BFSP2: variants seen among roughly 807,000 people sequenced by gnomAD.
BFSP2 encodes the protein phakinin.
In BFSP2, 38 loss-of-function variants were observed where a neutral mutation model predicts 44.9. That is an observed-to-expected ratio of 0.85 (90% CI 0.65 to 1.11). The LOEUF is 1.11. BFSP2 is among the 50% of genes least tolerant of loss of function. The pLI is 0.00. For synonymous variants in BFSP2, 197 were observed against 209.9 expected, an observed-to-expected ratio of 0.94 and a Z score of 0.53; for missense variants, 525 against 533.0, an observed-to-expected ratio of 0.99 and a Z score of 0.15.
At chr3:133,469,084 T>C (rs563234501) in intron 5 of BFSP2, among the ~76,000 whole-genome samples, 6 of 152,220 alleles carry the variant, frequency 3.9e-5, no homozygotes, top group South Asian at 2.1e-4. Flanking sequence ...GTCCTAACCA[T>C]TGGGGAAAAA....
chr3:133,474,740 A>C (rs766213041), intron 6 of BFSP2, among the ~76,000 whole-genome samples: 3 of 152,224 alleles, frequency 2.0e-5, no homozygotes, highest in Admixed American at 1.3e-4. Flanking sequence ...CTGCCAAGAC[A>C]ACCTCATGAT....
chr3:133,469,525 C>T (rs2074143069), intron 5 of BFSP2, among the ~76,000 whole-genome samples: 1 of 152,242 alleles, frequency 6.6e-6, no homozygotes, highest in Non-Finnish European at 1.5e-5. Context: ...CCAGAAGTCA[C>T]AGAAGGTCAC....
chr3:133,441,824 G>C (rs2073847925), intron 1 of BFSP2, among the ~76,000 whole-genome samples: 1 of 152,180 alleles, frequency 6.6e-6, no homozygotes, highest in Admixed American at 6.5e-5. Context: ...TTTGGTAAGT[G>C]TTTTAAAGAA....
chr3:133,421,242 T>C (rs2073589570), intron 1 of BFSP2, among the ~76,000 whole-genome samples: 2 of 152,212 alleles, frequency 1.3e-5, no homozygotes, highest in Non-Finnish European at 2.9e-5. Context: ...TATGTTGGTT[T>C]CCCAGGGCTA....
intron 4 of BFSP2, among the ~76,000 whole-genome samples, chr3:133,458,817 T>C (rs996016339): frequency 1.3e-5 from 2 of 152,166 alleles, no homozygotes; most frequent in East Asian, 1.9e-4. Context: ...GGTAACTACA[T>C]AGGGGATCAC....
intron 1 of BFSP2, among the ~76,000 whole-genome samples, chr3:133,436,374 AT>A (rs1371483789): frequency 1.3e-5 from 2 of 150,816 alleles, no homozygotes; most frequent in East Asian, 1.9e-4. Flanking sequence ...CATAATACAC[AT>A]TTTTTTCCAT....
intron 4 of BFSP2, among the ~76,000 whole-genome samples, chr3:133,456,385 T>C (rs2107931950): frequency 6.6e-6 from 1 of 152,302 alleles, no homozygotes; most frequent in Admixed American, 6.5e-5. Flanking sequence ...CCGGGCCATC[T>C]AACTGAAATA....
intron 4 of BFSP2, among the ~76,000 whole-genome samples, chr3:133,464,471 T>A (rs2074091329): frequency 1.3e-5 from 2 of 152,250 alleles, no homozygotes; most frequent in African/African-American, 4.8e-5. Flanking sequence ...CTGTTAACAA[T>A]GTGCTTGGCA....
chr3:133,417,820 C>T (rs1268801657), intron 1 of BFSP2, among the ~76,000 whole-genome samples: 1 of 143,688 alleles, frequency 7.0e-6, no homozygotes, highest in Non-Finnish European at 1.5e-5. Context: ...TTACTCACCC[C>T]TGCCCTCTCC....
At chr3:133,473,730 C>T (rs1272501174) in intron 6 of BFSP2, among the ~76,000 whole-genome samples, 2 of 151,686 alleles carry the variant, frequency 1.3e-5, no homozygotes, top group Non-Finnish European at 1.5e-5. Context: ...ATCCATTTAA[C>T]CCTGAGTGGA....
At chr3:133,434,798 C>G (rs1320802027) in intron 1 of BFSP2, among the ~76,000 whole-genome samples, 1 of 152,192 alleles carries the variant, frequency 6.6e-6, no homozygotes, top group Non-Finnish European at 1.5e-5. Context: ...CTCCTGCCCA[C>G]CAGAGAACAA....
At chr3:133,427,476 G>A (rs985661670) in intron 1 of BFSP2, among the ~76,000 whole-genome samples, 1 of 152,194 alleles carries the variant, frequency 6.6e-6, no homozygotes, top group Non-Finnish European at 1.5e-5. Flanking sequence ...CTAACACTTT[G>A]AGTCCTATAC....
chr3:133,428,843 C>A (rs1044019892), intron 1 of BFSP2, among the ~76,000 whole-genome samples: 1 of 152,358 alleles, frequency 6.6e-6, no homozygotes, highest in African/African-American at 2.4e-5. Flanking sequence ...TCAAACTTGT[C>A]CCAGCCAGTC....
chr3:133,439,514 A>G (rs1190786168), intron 1 of BFSP2, among the ~76,000 whole-genome samples: 1 of 152,236 alleles, frequency 6.6e-6, no homozygotes, highest in East Asian at 1.9e-4. Context: ...AACTGCAGAG[A>G]TTGATATACC....
intron 1 of BFSP2, among the ~76,000 whole-genome samples, chr3:133,443,226 G>A (rs750370852): frequency 6.6e-6 from 1 of 152,198 alleles, no homozygotes; most frequent in Non-Finnish European, 1.5e-5. Flanking sequence ...GCCAAGTGAA[G>A]ACCTCAAAGA....
chr3:133,407,489 A>AT (rs146501411), intron 1 of BFSP2, among the ~76,000 whole-genome samples: 22 of 151,298 alleles, frequency 1.5e-4, no homozygotes, highest in South Asian at 8.4e-4. Context: ...TTAAAATTCC[A>AT]TTTTTTTTTC....
chr3:133,468,332 C>T (rs1043926496), intron 5 of BFSP2, among the ~76,000 whole-genome samples: 2 of 152,130 alleles, frequency 1.3e-5, no homozygotes, highest in African/African-American at 4.8e-5. Context: ...CTTTCATTTT[C>T]TCACTTGTAA....
At chr3:133,401,203 G>A (rs537408229) in intron 1 of BFSP2, among the ~76,000 whole-genome samples, 27 of 152,254 alleles carry the variant, frequency 1.8e-4, no homozygotes, top group Non-Finnish European at 3.1e-4. Context: ...AACTCTATAT[G>A]TCCAGAATGT....
chr3:133,434,895 C>T lies in BFSP2; in HGVS notation c.490-12422C>T, dbSNP rs1033755376. 1.3e-4 allele frequency among the ~76,000 whole-genome samples: 20 copies of T among 152,064 alleles called. 1 individual carries two copies. The highest frequency in any genetic ancestry group is 1.6e-4 in the Non-Finnish European group (11 of 67,972). On this transcript the variant is annotated intron_variant, in intron 1 of 6. Coordinates refer to ENST00000302334, the MANE Select transcript of BFSP2 (RefSeq NM_003571.4). ...TCTCCCTTCGCTGACTCTTTTCGGA[C>T]TCAGCCCACCTGCACCCAGGTGAAA... is the stretch of plus-strand genomic sequence containing the variant.
Sources: allele counts gnomAD v4.1 joint callset (sites outside exome capture counted in the v4.1 genomes callset), GRCh38; gene constraint gnomAD v4.1.1; transcripts MANE v1.5; gene names NCBI Gene and HGNC (gene_info 2026-07-23, HGNC 2026-07-21).